Variants in CCDC33 observed in about 807,000 individuals in gnomAD.
CCDC33 encodes coiled-coil domain-containing protein 33.
Under a neutral mutation model 91.9 loss-of-function variants are expected in CCDC33, and 94 were observed. That is an observed-to-expected ratio of 1.02 (90% confidence interval 0.87 to 1.21). The LOEUF is 1.21. CCDC33 is among the 50% of genes most tolerant of loss of function. CCDC33 has a pLI of 0.00. For synonymous variants in CCDC33, 396 were observed against 374.5 expected, an observed-to-expected ratio of 1.06 and a Z score of -0.66; for missense variants, 940 against 935.5, an observed-to-expected ratio of 1.00 and a Z score of -0.06.
intron 11 of CCDC33, chr15:74,303,425 C>CAA (rs400438): frequency 0.88 from 133,554 of 152,422 alleles, 59,015 homozygotes; most frequent in Non-Finnish European, 0.94. Flanking sequence ...GAGACAGAGA[C>CAA]AGAGAGCAGA....
At chr15:74,258,544 G>T (rs1487373602) in intron 2 of CCDC33, among the ~76,000 whole-genome samples, 1 of 152,182 alleles carries the variant, frequency 6.6e-6, no homozygotes, top group Non-Finnish European at 1.5e-5. Context: ...GCAGCCTGAG[G>T]ACTGGGTAAC....
chr15:74,217,261 T>A, exon 1 of CCDC33: 6 of 1,253,718 alleles, frequency 4.8e-6, no homozygotes, highest in Non-Finnish European at 6.2e-6. Context: ...GCAGTTGGTC[T>A]CTCAGTGGCC....
At chr15:74,320,640 G>A (rs2060187874) in intron 11 of CCDC33, among the ~76,000 whole-genome samples, 1 of 152,162 alleles carries the variant, frequency 6.6e-6, no homozygotes, top group Non-Finnish European at 1.5e-5. Context: ...GACAGGTGGA[G>A]AAGGGGACCC....
chr15:74,221,938 C>A (rs1335206073), intron 2 of CCDC33, among the ~76,000 whole-genome samples: 2 of 152,170 alleles, frequency 1.3e-5, no homozygotes, highest in East Asian at 3.9e-4. Flanking sequence ...GCCTCTCCTT[C>A]CCCGGGGTAA....
intron 11 of CCDC33, among the ~76,000 whole-genome samples, chr15:74,304,879 G>T (rs777386193): frequency 2.6e-5 from 4 of 151,866 alleles, no homozygotes; most frequent in African/African-American, 7.3e-5. Context: ...CAAGCTCCAC[G>T]CTTCTAGAAC....
rs1403595254 is a variant in CCDC33, at chr15:74,280,101, C to A, written c.889+9C>A. The A allele has an allele frequency of 6.2e-7, 1 of 1,613,752 alleles. No individual in the cohort carries two copies. Among genetic ancestry groups the A allele is most frequent in the South Asian group, 1.1e-5 (1 of 91,064 alleles). On this transcript the variant is annotated intron_variant, in intron 8 of 18. Coordinates refer to ENST00000398814, the MANE Select transcript of CCDC33 (RefSeq NM_025055.5). ...CTACTCCTCAACTTCAAGTACGTGA[C>A]CCCTGGTGCCTCGCCAGGGCAGCCA...
At position 74,296,027 on chromosome 15, in the gene CCDC33, A is replaced by T. The variant is rs1596056460; in HGVS notation, c.1290+79A>T. ...AGGGGACTTGACTGCCATCTGCAGG[A>T]CTGCTTCATGCCTCAGGTGGCCAGT... On this transcript the variant is annotated intron_variant, in intron 11 of 18. Coordinates refer to ENST00000398814, the MANE Select transcript of CCDC33 (RefSeq NM_025055.5). 3 of 1,297,308 alleles carry T rather than the reference A, an allele frequency of 2.3e-6. No homozygotes were observed. In the African/African-American group the frequency reaches 4.5e-5, roughly 19 times the overall value. 80.4% of individuals were successfully genotyped at this position (1,297,308 alleles called of 1,614,324 possible). A position where few individuals can be genotyped will look rare whatever the true frequency, so the allele number is the denominator to read the frequency against.
intron 1 of CCDC33, among the ~76,000 whole-genome samples, chr15:74,204,812 G>A (rs553356792): frequency 6.6e-6 from 1 of 152,276 alleles, no homozygotes; most frequent in East Asian, 1.9e-4. Context: ...GCGCACACCT[G>A]TAATCCCAGC....
intron 1 of CCDC33, among the ~76,000 whole-genome samples, chr15:74,242,286 C>A (rs1248181887): frequency 6.6e-6 from 1 of 152,190 alleles, no homozygotes; most frequent in Admixed American, 6.5e-5. Flanking sequence ...CTGGTTTAAA[C>A]CTACCTCTCC....
intron 17 of CCDC33, 133 bp from the exon 18 acceptor site, chr15:74,334,842 G>A (rs111258652): frequency 6.6e-6 from 5 of 754,974 alleles, no homozygotes; most frequent in African/African-American, 1.7e-5. Context: ...GAGGTCTCGG[G>A]AAGGTGTCAA....
In CCDC33 at chr15:74,209,398, C is replaced by T. The variant is rs184924574; in HGVS notation, n.100C>T. The T allele has an allele frequency of 5.3e-4, 816 of 1,535,646 alleles. No individual in the cohort carries two copies. Among genetic ancestry groups the T allele is most frequent in the Non-Finnish European group, 5.9e-4 (678 of 1,146,874 alleles). ...ATCCATCACTCCCAGGGGGCCACTG[C>T]CTGATGAATTGCCAGAGGGGAACCA... On this transcript the variant is annotated non_coding_transcript_exon_variant, in exon 2 of 4. Coordinates refer to the CCDC33 transcript ENST00000558645.
chr15:74,317,887 GTTTTTTTTT>G (rs71137385), intron 11 of CCDC33, among the ~76,000 whole-genome samples: 17 of 110,480 alleles, frequency 1.5e-4, no homozygotes, highest in Non-Finnish European at 2.2e-4. Flanking sequence ...GTTTGGGTTT[GTTTTTTTTT>G]TTTTTTTTTT....
intron 2 of CCDC33, among the ~76,000 whole-genome samples, chr15:74,247,438 A>G (rs2075572930): frequency 6.6e-6 from 1 of 152,130 alleles, no homozygotes; most frequent in East Asian, 1.9e-4. Context: ...TCATATATAC[A>G]CACACAATTA....
intron 6 of CCDC33, among the ~76,000 whole-genome samples, chr15:74,272,077 A>G (rs955255157): frequency 3.9e-5 from 6 of 152,174 alleles, no homozygotes; most frequent in Non-Finnish European, 8.8e-5. Context: ...TGCCGATACC[A>G]GGCCTAACAG....
chr15:74,285,962 G>C (rs958582863), intron 10 of CCDC33, among the ~76,000 whole-genome samples: 1 of 152,154 alleles, frequency 6.6e-6, no homozygotes. Context: ...AAATCCATGA[G>C]TCTGGCTGGG....
At chr15:74,322,168 T>TA (rs527655103) in intron 11 of CCDC33, among the ~76,000 whole-genome samples, 55 of 152,314 alleles carry the variant, frequency 3.6e-4, no homozygotes, top group Non-Finnish European at 1.6e-4. Flanking sequence ...CCTATTGCAA[T>TA]AACAAACTAC....
At chr15:74,258,547 T>G (rs1027895664) in intron 2 of CCDC33, among the ~76,000 whole-genome samples, 1 of 152,090 alleles carries the variant, frequency 6.6e-6, no homozygotes, top group East Asian at 1.9e-4. Flanking sequence ...GCCTGAGGAC[T>G]GGGTAACAAG....
chr15:74,262,445 G>T lies in CCDC33; in HGVS notation c.191G>T (p.Ser64Ile). Residue 64 changes from serine to isoleucine, a missense_variant, in exon 3 of 19, where the codon AGC becomes ATC. Physicochemically the swap from Ser to Ile is moderately radical, Grantham distance 142. Transcript: ENST00000398814. ...SEPWPYVVVK[S>I]TSEEKNNQSS... ...CCTGCCCCTGCTCTCCCCAGGAAAA[G>T]CACATCTGAGGAAAAGAACAATCAG... 6.2e-7 allele frequency: 1 copy of T among 1,613,972 alleles called. No homozygotes were observed. Among genetic ancestry groups the T allele is most frequent in the Non-Finnish European group, 8.5e-7 (1 of 1,179,938 alleles).
chr15:74,262,249 C>T lies in CCDC33; in HGVS notation c.186-191C>T, dbSNP rs549922627. On this transcript the variant is annotated intron_variant, in intron 2 of 18. Transcript: ENST00000398814. ...AAGGCCTCAGTAGTGGCCAGCGAGA[C>T]AGTGTGGTCACCTGGGCTGGCAGGA... Among the ~76,000 whole-genome samples, 16 of 152,286 alleles carry T rather than the reference C, an allele frequency of 1.1e-4. No individual in the cohort carries two copies. In the South Asian group the frequency reaches 3.3e-3, roughly 32 times the overall value.
Sources: allele counts gnomAD v4.1 joint callset (sites outside exome capture counted in the v4.1 genomes callset), GRCh38; gene constraint gnomAD v4.1.1; transcripts MANE v1.5; gene names NCBI Gene and HGNC (gene_info 2026-07-23, HGNC 2026-07-21).